The following ANKFY1 variants were observed in gnomAD, a reference collection of about 807,000 sequenced individuals.
The protein encoded by ANKFY1 is ankyrin repeat and FYVE domain-containing protein 1.
Under a neutral mutation model 128.3 loss-of-function variants are expected in ANKFY1, and 47 were observed. That is an observed-to-expected ratio of 0.37 (90% CI 0.29 to 0.47). ANKFY1 has a LOEUF of 0.47. Ranked by LOEUF, ANKFY1 falls within the 20% of genes least tolerant of loss-of-function variation. ANKFY1 has a pLI of 1.00. For missense variants in ANKFY1, 1,222 were observed against 1,510.6 expected, an observed-to-expected ratio of 0.81 and a Z score of 3.17; for synonymous variants, 553 against 601.6, an observed-to-expected ratio of 0.92 and a Z score of 1.18.
At chr17:4,195,359 C>T in intron 9 of ANKFY1, 44 bp downstream of exon 9, 2 of 1,578,820 alleles carry the variant, frequency 1.3e-6, no homozygotes, top group South Asian at 1.1e-5. Context: ...CTCACAATCC[C>T]CCCTCACAAC....
intron 7 of ANKFY1, among the ~76,000 whole-genome samples, chr17:4,203,829 A>AAC (rs2059976349): frequency 7.7e-6 from 1 of 129,800 alleles, no homozygotes; most frequent in South Asian, 2.6e-4. Context: ...AACAACAACA[A>AAC]AAAAAAAAAA....
chr17:4,173,411 T>C lies in ANKFY1; in HGVS notation c.2957A>G (p.Asn986Ser), dbSNP rs1464835213. Reference sequence around the variant, plus strand: ...CTCTGTCAGGAGAACCCGGATGTTGTTGAGCCGGCCGTGCATGACAGCAAG... The same window carrying C: ...CTCTGTCAGGAGAACCCGGATGTTGCTGAGCCGGCCGTGCATGACAGCAAG... ...LHLAVMHGRL[N>S]NIRVLLTECT... The change falls in exon 21 of 25, where the codon AAC becomes AGC. Residue 986 changes from asparagine (N) to serine (S), a missense_variant. Coordinates refer to ENST00000341657, the MANE Select transcript of ANKFY1 (RefSeq NM_001330063.2). The C allele has an allele frequency of 1.2e-6, 2 of 1,614,188 alleles. No homozygotes were observed. Among genetic ancestry groups the C allele is most frequent in the Non-Finnish European group, 1.7e-6 (2 of 1,180,014 alleles).
intron 16 of ANKFY1, 133 bp from the exon 17 acceptor site, chr17:4,180,010 C>A (rs2059481173): frequency 8.7e-7 from 1 of 1,151,756 alleles, no homozygotes; most frequent in Non-Finnish European, 1.2e-6. Flanking sequence ...TGTCCTTGGT[C>A]CCTGGCCTCA....
intron 5 of ANKFY1, among the ~76,000 whole-genome samples, chr17:4,208,818 G>GCCGA (rs1201352238): frequency 6.6e-6 from 1 of 152,182 alleles, no homozygotes; most frequent in Non-Finnish European, 1.5e-5. Flanking sequence ...ACTTTGGGAG[G>GCCGA]CCGAGGTGGG....
At chr17:4,263,220 C>T (rs1223582303) in intron 1 of ANKFY1, among the ~76,000 whole-genome samples, 1 of 152,122 alleles carries the variant, frequency 6.6e-6, no homozygotes, top group Non-Finnish European at 1.5e-5. Flanking sequence ...ACCAGAGTGC[C>T]TTAAGCTGCA....
At chr17:4,226,957 G>C (rs2060437013) in intron 3 of ANKFY1, among the ~76,000 whole-genome samples, 1 of 152,078 alleles carries the variant, frequency 6.6e-6, no homozygotes, top group South Asian at 2.1e-4. Flanking sequence ...CAAATTCATA[G>C]TAACAAATTC....
rs1306687325 is a variant in ANKFY1 at position 4,184,958 on chromosome 17, T to C, written c.1559A>G (p.Gln520Arg). The change falls in exon 12 of 25, where the codon CAG (glutamine) becomes CGG (arginine). Residue 520 changes from glutamine to arginine, a missense_variant. By Grantham distance (43) the Gln-to-Arg change is conservative. Transcript: ENST00000341657. ...TGGCAGAGGCAGAGCTTCCTCCGTCTGCAGGTTTGGGTTGGCGCCTTGCTG... is the reference window on the plus strand; with the variant it reads ...TGGCAGAGGCAGAGCTTCCTCCGTCCGCAGGTTTGGGTTGGCGCCTTGCTG... ...LLQQGANPNL[Q>R]TEEALPLPKE... 1.9e-6 allele frequency: 3 copies of C among 1,614,116 alleles called. No homozygotes were observed. Among genetic ancestry groups the C allele is most frequent in the East Asian group, 4.5e-5 (2 of 44,884 alleles).
intron 1 of ANKFY1, among the ~76,000 whole-genome samples, chr17:4,248,161 G>A (rs1001458774): frequency 2.0e-5 from 3 of 152,128 alleles, no homozygotes; most frequent in Non-Finnish European, 2.9e-5. Context: ...AGGTGTCCCC[G>A]ACCTCCAGGC....
rs1370469874 is a variant in ANKFY1, at chr17:4,166,634, G to A, written c.*1145C>T. ...GCACACGTGGCCAGGGCCCTTGGCT[G>A]GTGGCCCTTCATGGGGCAGGGCAAG... On this transcript the variant is annotated 3_prime_UTR_variant, in exon 25 of 25. Transcript: ENST00000341657. The A allele has an allele frequency of 2.6e-5, 4 of 152,340 alleles. No homozygotes were observed. In the South Asian group the frequency reaches 6.2e-4, roughly 24 times the overall value. The allele number at this position is 152,340 out of a possible 1,614,324, so 9.4% of individuals were successfully genotyped here.
rs560433057 is a variant in ANKFY1, at chr17:4,178,336, C to T, written c.2598+521G>A. 6.9e-4 allele frequency: 114 copies of T among 165,940 alleles called. No homozygotes were observed. Among genetic ancestry groups the T allele is most frequent in the African/African-American group, 2.4e-3 (101 of 42,018 alleles). 10.3% of individuals were successfully genotyped at this position (165,940 alleles called of 1,614,324 possible). A position where few individuals can be genotyped will look rare whatever the true frequency, so the allele number is the denominator to read the frequency against. ...GTTCCTGCAGGACTGACCTGATAAACCCACCCCCTCCTACTCAGATCAGTT... is the reference window on the plus strand; with the variant it reads ...GTTCCTGCAGGACTGACCTGATAAATCCACCCCCTCCTACTCAGATCAGTT... On this transcript the variant is annotated intron_variant, in intron 18 of 24. Coordinates refer to ENST00000341657, the MANE Select transcript of ANKFY1 (RefSeq NM_001330063.2). The surrounding 1 kb of genome is among the most constrained non-coding windows in gnomAD (Gnocchi z 4.1).
intron 1 of ANKFY1, chr17:4,263,595 T>C: frequency 6.5e-7 from 1 of 1,533,552 alleles, no homozygotes; most frequent in Non-Finnish European, 8.7e-7. Flanking sequence ...GAAGGCTTAC[T>C]TCCCCCGGCG....
At chr17:4,238,494 G>A (rs1555637002) in intron 2 of ANKFY1, among the ~76,000 whole-genome samples, 1 of 149,788 alleles carries the variant, frequency 6.7e-6, no homozygotes, top group African/African-American at 2.5e-5. Flanking sequence ...CTTTTTTTGA[G>A]ATGGAGTTCA....
intron 1 of ANKFY1, among the ~76,000 whole-genome samples, chr17:4,258,250 G>T (rs1968221743): frequency 6.6e-6 from 1 of 152,212 alleles, no homozygotes; most frequent in South Asian, 2.1e-4. Context: ...GTAGGGCCGG[G>T]CGCGGTGGCT....
intron 3 of ANKFY1, chr17:4,223,292 C>T (rs1246680693): frequency 1.3e-5 from 13 of 1,027,570 alleles, no homozygotes; most frequent in Admixed American, 1.8e-5. Flanking sequence ...CTTGTTTTTA[C>T]GGCAGTGCAA....
Position 4,181,091 on chromosome 17 carries a change from T to A in ANKFY1, c.2240+163A>T, listed in dbSNP as rs2059507225. The A allele has an allele frequency of 2.5e-5, 15 of 596,776 alleles. No individual in the cohort carries two copies. The East Asian group carries it at 4.2e-4, about 17-fold the overall frequency. 37.0% of individuals were successfully genotyped at this position (596,776 alleles called of 1,614,324 possible). A position where few individuals can be genotyped will look rare whatever the true frequency, so the allele number is the denominator to read the frequency against. ...TCCCGTCACAAGTGAGCCTGGCTCC[T>A]GGCTGACTTGACATGACAGAACAGT... On this transcript the variant is annotated intron_variant, in intron 16 of 24. Transcript: ENST00000341657. This position sits in a 1 kb window ranked among gnomAD's most constrained non-coding sequence, Gnocchi z 4.9.
intron 1 of ANKFY1, among the ~76,000 whole-genome samples, chr17:4,259,991 AGCAGCATGTCGG>A (rs1025180569): frequency 1.3e-5 from 2 of 152,234 alleles, no homozygotes; most frequent in Non-Finnish European, 2.9e-5. Flanking sequence ...ACGCAGAGGT[AGCAGCATGTCGG>A]GCACACACAA....
chr17:4,197,989 C>T (rs1386906563), intron 7 of ANKFY1, among the ~76,000 whole-genome samples: 2 of 152,074 alleles, frequency 1.3e-5, no homozygotes, highest in Admixed American at 6.6e-5. Flanking sequence ...ACTAGCCGGG[C>T]GTGGTGGTGC....
At chr17:4,213,594 T>A (rs1346042320) in intron 4 of ANKFY1, among the ~76,000 whole-genome samples, 3 of 141,722 alleles carry the variant, frequency 2.1e-5, no homozygotes, top group Non-Finnish European at 3.1e-5. Context: ...CAAGATGAAG[T>A]CTTACTTTGT....
chr17:4,229,228 G>A (rs1023106202), intron 3 of ANKFY1, among the ~76,000 whole-genome samples: 4 of 151,998 alleles, frequency 2.6e-5, no homozygotes, highest in South Asian at 2.1e-4. Context: ...GTTCAAGACC[G>A]GCATGGCCAA....
Sources: gnomAD v4.1 joint callset for allele counts (sites outside exome capture counted in the v4.1 genomes callset) on GRCh38, gnomAD v4.1.1 for gene constraint, Gnocchi (gnomAD v3.1) non-coding constraint, MANE v1.5 for transcripts, NCBI Gene and HGNC (gene_info 2026-07-23, HGNC 2026-07-21) for gene names.